The following CELF2 variants were observed in gnomAD, a reference collection of about 807,000 sequenced individuals.
CELF2 encodes the protein CUG triplet repeat RNA-binding protein 2.
A neutral mutation model predicts 62.6 loss-of-function variants in CELF2; 8 were observed. The ratio of observed to expected loss-of-function variants is 0.13; its 90% CI spans 0.07 to 0.23. The LOEUF (loss-of-function observed/expected upper bound fraction) is 0.23. CELF2 is among the 10% of genes least tolerant of loss of function. The probability of loss-of-function intolerance (pLI) is 1.00; values close to 1 mark genes in which losing one functional copy is unlikely to be tolerated. For missense variants in CELF2, 333 were observed against 671.0 expected, an observed-to-expected ratio of 0.50 and a Z score of 5.56; for synonymous variants, 258 against 250.0, an observed-to-expected ratio of 1.03 and a Z score of -0.30.
chr10:11,280,175 AAG>A lies in CELF2; in HGVS notation c.841+5062_841+5063del, dbSNP rs2087838477. Among the ~76,000 whole-genome samples, 2 of 152,128 alleles carry A rather than the reference AAG, an allele frequency of 1.3e-5. No homozygotes were observed. The highest frequency in any genetic ancestry group is 6.5e-5 in the Admixed American group (1 of 15,278). ...GACGGGGCACCCACATACCTCAGAA[AAG>A]AGAGAGCGACAGAGGGGAACCAGAA... On this transcript the variant is annotated intron_variant, in intron 8 of 12. Coordinates refer to ENST00000633077, the MANE Select transcript of CELF2 (RefSeq NM_001326342.2). This position sits in a 1 kb window ranked among gnomAD's most constrained non-coding sequence, Gnocchi z 7.6.
In CELF2 at chr10:11,197,061, A is replaced by AAG; in HGVS notation, c.272-20364_272-20363insAG. ...AGAAAGAAAGAAAGAAAGAAAGAAA[A>AAG]GAAAGAAAGGAAAGAAAGAAAGAAG... On this transcript the variant is annotated intron_variant, in intron 2 of 12. Transcript: ENST00000633077. Among the ~76,000 whole-genome samples, 36 of 114,812 alleles carry AAG rather than the reference A, an allele frequency of 3.1e-4. 4 individuals carry two copies. Among genetic ancestry groups the AAG allele is most frequent in the African/African-American group, 1.1e-3 (28 of 26,242 alleles). 75.3% of individuals were successfully genotyped at this position (114,812 alleles called of 152,430 possible).
At chr10:11,086,781 T>G (rs2046939354) in intron 1 of CELF2, among the ~76,000 whole-genome samples, 1 of 152,112 alleles carries the variant, frequency 6.6e-6, no homozygotes, top group Non-Finnish European at 1.5e-5. Flanking sequence ...AATGGATGGG[T>G]AATAGCTTCC....
the CELF2 span, among the ~76,000 whole-genome samples, chr10:10,506,194 C>A: frequency 6.6e-6 from 1 of 151,570 alleles, no homozygotes; most frequent in Admixed American, 6.6e-5. Flanking sequence ...TAAAAAAGAT[C>A]ATTGGAGCTT....
At chr10:10,627,099 T>A in the CELF2 span, among the ~76,000 whole-genome samples, 13 of 152,290 alleles carry the variant, frequency 8.5e-5, no homozygotes, top group African/African-American at 3.1e-4. Flanking sequence ...TGATTAAAAA[T>A]GTGTAGTGAG....
the CELF2 span, among the ~76,000 whole-genome samples, chr10:10,586,140 G>T: frequency 6.6e-6 from 1 of 152,226 alleles, no homozygotes; most frequent in Non-Finnish European, 1.5e-5. Flanking sequence ...CAACTCTGAG[G>T]CAGGGCCTGT....
chr10:11,261,120 T>G (rs1472115359), intron 5 of CELF2, among the ~76,000 whole-genome samples: 1 of 152,208 alleles, frequency 6.6e-6, no homozygotes, highest in African/African-American at 2.4e-5. Context: ...AATCAAACTC[T>G]TGGATTATGG....
At chr10:11,180,701 G>A (rs753266986) in intron 2 of CELF2, among the ~76,000 whole-genome samples, 8 of 152,142 alleles carry the variant, frequency 5.3e-5, no homozygotes, top group Non-Finnish European at 2.9e-5. Flanking sequence ...CCATGCGCTA[G>A]GTCCTGTACT....
chr10:10,626,317 C>T, the CELF2 span, among the ~76,000 whole-genome samples: 2 of 152,118 alleles, frequency 1.3e-5, no homozygotes, highest in Non-Finnish European at 2.9e-5. Context: ...GTCAAGATCT[C>T]CCCATGTATT....
intron 5 of CELF2, among the ~76,000 whole-genome samples, chr10:11,259,593 C>T (rs1048185737): frequency 2.6e-5 from 4 of 152,192 alleles, no homozygotes; most frequent in African/African-American, 9.7e-5. Context: ...ATCCGGGGCT[C>T]CTCTGCGGTT....
chr10:10,595,913 G>T, the CELF2 span, among the ~76,000 whole-genome samples: 1 of 152,140 alleles, frequency 6.6e-6, no homozygotes, highest in East Asian at 1.9e-4. Flanking sequence ...AGAAAAGATG[G>T]TATACATATT....
chr10:10,910,608 G>A, intron 1 of CELF2, among the ~76,000 whole-genome samples: 1 of 144,660 alleles, frequency 6.9e-6, no homozygotes, highest in East Asian at 2.1e-4. Context: ...GCCGAGGCAA[G>A]AGAATCGCTT....
intron 1 of CELF2, among the ~76,000 whole-genome samples, chr10:11,061,181 C>T (rs2066644528): frequency 6.6e-6 from 1 of 152,252 alleles, no homozygotes; most frequent in South Asian, 2.1e-4. Flanking sequence ...ATTGAAAGTG[C>T]TGTTCCCATG....
rs149701425 is a variant in CELF2, at chr10:10,951,983, G to T, written c.89+31984G>T. 9.8e-4 allele frequency: 149 copies of T among 152,450 alleles called. 1 individual carries two copies. Among genetic ancestry groups the T allele is most frequent in the Middle Eastern group, 3.4e-3 (1 of 294 alleles). 9.4% of individuals were successfully genotyped at this position (152,450 alleles called of 1,614,324 possible). A position where few individuals can be genotyped will look rare whatever the true frequency, so the allele number is the denominator to read the frequency against. On this transcript the variant is annotated intron_variant, in intron 2 of 13. Coordinates refer to the CELF2 transcript ENST00000636488. ...GCACGCTGAGCTGCTGGGATTGGCCGAGAGGCCACAGAACACCTTGGACTC... is the reference window on the plus strand; with the variant it reads ...GCACGCTGAGCTGCTGGGATTGGCCTAGAGGCCACAGAACACCTTGGACTC...
chr10:11,253,187 G>C (rs754114928), intron 4 of CELF2, among the ~76,000 whole-genome samples: 2 of 152,162 alleles, frequency 1.3e-5, no homozygotes, highest in African/African-American at 2.4e-5. Context: ...GAAGTTGCTT[G>C]TTGTTTTTAC....
chr10:11,275,062 G>A lies in CELF2; in HGVS notation c.783G>A (p.Leu261=), dbSNP rs1383353234. 4.3e-6 allele frequency: 7 copies of A among 1,614,130 alleles called. No homozygotes were observed. In the East Asian group the frequency reaches 1.3e-4, roughly 31 times the overall value. Reference sequence around the variant, plus strand: ...CCTTGTGTGTTCATCCGCAGCTCCTGCAGCAGGCCACCTCCTCCAGCAACC... The same window carrying A: ...CCTTGTGTGTTCATCCGCAGCTCCTACAGCAGGCCACCTCCTCCAGCAACC... ...GGLTPQYLAL[L]QQATSSSNLG... The change falls in exon 8 of 13, where the codon CTG becomes CTA. Residue 261 remains leucine (L), a synonymous_variant. Transcript: ENST00000633077.
rs188510533 is a variant in CELF2 at position 11,224,770 on chromosome 10, G to T, written c.354+7263G>T. On this transcript the variant is annotated intron_variant, in intron 3 of 12. Transcript: ENST00000633077. This position sits in a 1 kb window ranked among gnomAD's most constrained non-coding sequence, Gnocchi z 4.5. ...AGGAGATGATGTCCAGGTGAAGTGC[G>T]CTCGTGAGTTCGGAGCCTGGAGCTT... Among the ~76,000 whole-genome samples the T allele has an allele frequency of 1.3e-5, 2 of 152,088 alleles. No individual in the cohort carries two copies. Among genetic ancestry groups the T allele is most frequent in the Non-Finnish European group, 2.9e-5 (2 of 68,010 alleles).
intron 1 of CELF2, among the ~76,000 whole-genome samples, chr10:10,803,093 A>G (rs1046153202): frequency 2.0e-5 from 3 of 152,168 alleles, no homozygotes; most frequent in African/African-American, 7.2e-5. Context: ...GACTCTGTCC[A>G]CTTTTTTCCA....
chr10:10,898,942 T>TAGGAAATCTCCAA (rs1362284464), intron 1 of CELF2, among the ~76,000 whole-genome samples: 1 of 152,228 alleles, frequency 6.6e-6, no homozygotes, highest in African/African-American at 2.4e-5. Context: ...TATAAATCAG[T>TAGGAAATCTCCAA]AGGAAATCTC....
At position 11,300,345 on chromosome 10, in the gene CELF2, C is replaced by T. The variant is rs2093601068; in HGVS notation, c.976+11793C>T. ...TTCCTCTTCCCAGTCTTCCTGAGAA[C>T]CAGTAGTGATGACTCTTGCCCAGCA... On this transcript the variant is annotated intron_variant, in intron 9 of 12. Transcript: ENST00000633077. This position sits in a 1 kb window ranked among gnomAD's most constrained non-coding sequence, Gnocchi z 5.5. 6.6e-6 allele frequency among the ~76,000 whole-genome samples: 1 copy of T among 152,148 alleles called. No homozygotes were observed. Among genetic ancestry groups the T allele is most frequent in the South Asian group, 2.1e-4 (1 of 4,828 alleles).
Sources: allele counts gnomAD v4.1 joint callset (sites outside exome capture counted in the v4.1 genomes callset), GRCh38; gene constraint gnomAD v4.1.1; non-coding constraint Gnocchi (gnomAD v3.1); transcripts MANE v1.5; gene names NCBI Gene and HGNC (gene_info 2026-07-23, HGNC 2026-07-21).